The following QTMAN variants were observed in gnomAD, a reference collection of about 807,000 sequenced individuals.
QTMAN encodes the protein queuosine-tRNA mannosyltransferase.
chr2:144,307,189 A>T, the QTMAN span, among the ~76,000 whole-genome samples: 2 of 130,316 alleles, frequency 1.5e-5, no homozygotes, highest in Non-Finnish European at 3.3e-5. Context: ...AAAAACAATT[A>T]AAAAAAAAAA....
At chr2:144,116,072 C>T in the QTMAN span, among the ~76,000 whole-genome samples, 5 of 152,042 alleles carry the variant, frequency 3.3e-5, no homozygotes, top group Admixed American at 1.3e-4. Flanking sequence ...ATGAGTAGTA[C>T]GTTGAATTAG....
At chr2:144,022,488 C>T in the QTMAN span, among the ~76,000 whole-genome samples, 1 of 150,272 alleles carries the variant, frequency 6.7e-6, no homozygotes, top group Non-Finnish European at 1.5e-5. Context: ...CTCCATTTTG[C>T]TACATTCTTT....
the QTMAN span, among the ~76,000 whole-genome samples, chr2:143,973,788 C>CAAA: frequency 3.0e-3 from 271 of 89,244 alleles, 2 homozygotes; most frequent in African/African-American, 9.3e-3. Flanking sequence ...AACTCCGTCT[C>CAAA]AAAAAAAAAA....
chr2:144,108,401 A>G, the QTMAN span, among the ~76,000 whole-genome samples: 11 of 152,228 alleles, frequency 7.2e-5, no homozygotes, highest in African/African-American at 2.7e-4. Context: ...GCACTTTGGG[A>G]GACCAAGGCG....
chr2:144,208,566 TAAA>T, the QTMAN span: 1 of 1,585,360 alleles, frequency 6.3e-7, no homozygotes, highest in Non-Finnish European at 8.6e-7. Context: ...AGGTACTTTT[TAAA>T]AAACGCTGAA....
At chr2:144,186,509 T>A in the QTMAN span, among the ~76,000 whole-genome samples, 1 of 152,166 alleles carries the variant, frequency 6.6e-6, no homozygotes, top group Admixed American at 6.5e-5. Context: ...TACATAGATG[T>A]ATGTGGGTTT....
chr2:144,221,821 C>T, the QTMAN span, among the ~76,000 whole-genome samples: 1 of 152,080 alleles, frequency 6.6e-6, no homozygotes, highest in African/African-American at 2.4e-5. Context: ...AGTGCTATAG[C>T]GATTCAAAAC....
At chr2:144,059,543 A>G in the QTMAN span, among the ~76,000 whole-genome samples, 12 of 152,326 alleles carry the variant, frequency 7.9e-5, no homozygotes, top group African/African-American at 2.6e-4. Context: ...AAAAGAAAGA[A>G]AGAAATGAGG....
At chr2:144,103,152 T>A in the QTMAN span, among the ~76,000 whole-genome samples, 1 of 152,220 alleles carries the variant, frequency 6.6e-6, no homozygotes, top group South Asian at 2.1e-4. Flanking sequence ...AAGGCTAATA[T>A]AGAAACCCCT....
chr2:144,053,377 G>A, the QTMAN span, among the ~76,000 whole-genome samples: 1 of 152,118 alleles, frequency 6.6e-6, no homozygotes, highest in Non-Finnish European at 1.5e-5. Flanking sequence ...AGGGGTAGAG[G>A]ACTAGAACAT....
chr2:143,991,555 GA>G, the QTMAN span, among the ~76,000 whole-genome samples: 13 of 147,450 alleles, frequency 8.8e-5, no homozygotes, highest in Non-Finnish European at 2.0e-4. Context: ...GTCCGGGAGG[GA>G]GGTGGGGGGG....
At chr2:144,252,738 C>T in the QTMAN span, among the ~76,000 whole-genome samples, 1 of 152,160 alleles carries the variant, frequency 6.6e-6, no homozygotes, top group South Asian at 2.1e-4. Context: ...AGCAACTGTG[C>T]TTCTTGATAT....
At chr2:143,995,928 C>G in the QTMAN span, among the ~76,000 whole-genome samples, 1 of 152,052 alleles carries the variant, frequency 6.6e-6, no homozygotes, top group Non-Finnish European at 1.5e-5. Flanking sequence ...CAAGTGTTCT[C>G]CATCTCAGTA....
chr2:144,295,290 T>C, the QTMAN span: 1 of 152,224 alleles, frequency 6.6e-6, no homozygotes, highest in African/African-American at 2.4e-5. Context: ...CAGAGCAGGT[T>C]CTTTTCTGAT....
chr2:144,047,026 T>G, the QTMAN span, among the ~76,000 whole-genome samples: 1 of 152,172 alleles, frequency 6.6e-6, no homozygotes, highest in Non-Finnish European at 1.5e-5. Context: ...ATCCCAGCAC[T>G]TTGGGAGTCT....
At chr2:144,056,626 G>T in the QTMAN span, among the ~76,000 whole-genome samples, 1 of 152,176 alleles carries the variant, frequency 6.6e-6, no homozygotes, top group Admixed American at 6.5e-5. Context: ...CACTCAAAAG[G>T]TGCTGAATGA....
chr2:144,206,103 G>C, the QTMAN span, among the ~76,000 whole-genome samples: 1 of 152,170 alleles, frequency 6.6e-6, no homozygotes, highest in Non-Finnish European at 1.5e-5. Context: ...TTTTCAGAGA[G>C]TAAGCTTATA....
the QTMAN span, among the ~76,000 whole-genome samples, chr2:144,158,541 A>G: frequency 6.6e-6 from 1 of 151,970 alleles, no homozygotes; most frequent in Non-Finnish European, 1.5e-5. Flanking sequence ...CTATTTTTAT[A>G]CAGAAATATT....
At chr2:144,008,290 G>T in the QTMAN span, among the ~76,000 whole-genome samples, 2 of 151,876 alleles carry the variant, frequency 1.3e-5, no homozygotes, top group Admixed American at 1.3e-4. Flanking sequence ...ACTAACCTAC[G>T]CTGGAACATA....
Sources: allele counts gnomAD v4.1 joint callset (sites outside exome capture counted in the v4.1 genomes callset), GRCh38; gene constraint gnomAD v4.1.1; transcripts MANE v1.5; gene names NCBI Gene and HGNC (gene_info 2026-07-23, HGNC 2026-07-21).